Variants in RNF168 observed in about 807,000 individuals in gnomAD.
The protein encoded by RNF168 is E3 ubiquitin-protein ligase RNF168.
In RNF168, 34 loss-of-function variants were observed where a neutral mutation model predicts 34.9. The observed-to-expected ratio is 0.97, with a 90% CI of 0.74 to 1.30. RNF168 has a LOEUF of 1.30. RNF168 is among the 50% of genes most tolerant of loss of function. The pLI is 0.00. For missense variants in RNF168, 725 were observed against 682.5 expected (o/e 1.06, Z -0.69); for synonymous variants, 264 against 254.7 (o/e 1.04, Z -0.35).
intron 1 of RNF168, among the ~76,000 whole-genome samples, chr3:196,499,549 G>T (rs116056982): frequency 2.0e-5 from 3 of 152,282 alleles, no homozygotes; most frequent in African/African-American, 7.2e-5. Flanking sequence ...CAGCCCGGAC[G>T]CGGTGGCTCA....
At chr3:196,498,603 C>G (rs1160846297) in intron 1 of RNF168, among the ~76,000 whole-genome samples, 1 of 152,162 alleles carries the variant, frequency 6.6e-6, no homozygotes, top group Non-Finnish European at 1.5e-5. Flanking sequence ...ATATCCAAAA[C>G]TGCAAGCAAC....
chr3:196,500,500 T>C (rs531695501), intron 1 of RNF168, among the ~76,000 whole-genome samples: 137 of 151,914 alleles, frequency 9.0e-4, no homozygotes, highest in Non-Finnish European at 1.5e-3. Context: ...CAGGGGATAG[T>C]AGGAGGGAGG....
chr3:196,468,793 T>C lies in RNF168; in HGVS notation c.*3026A>G, dbSNP rs1331131580. The C allele has an allele frequency of 6.6e-6, 1 of 152,212 alleles. No individual in the cohort carries two copies. The highest frequency in any genetic ancestry group is 1.5e-5 in the Non-Finnish European group (1 of 68,038). 9.4% of individuals were successfully genotyped at this position (152,212 alleles called of 1,614,324 possible). On this transcript the variant is annotated 3_prime_UTR_variant, in exon 6 of 6. Coordinates refer to ENST00000318037, the MANE Select transcript of RNF168 (RefSeq NM_152617.4). ...ACACATAATAATCCATTTTTATTTT[T>C]AGTATTTTATTTTTCAGATTCTCAG...
At chr3:196,489,831 C>A (rs965721562) in intron 1 of RNF168, among the ~76,000 whole-genome samples, 1 of 152,118 alleles carries the variant, frequency 6.6e-6, no homozygotes, top group Admixed American at 6.6e-5. Flanking sequence ...AAACAGAACT[C>A]GAGATTTATA....
intron 4 of RNF168, among the ~76,000 whole-genome samples, chr3:196,482,610 T>C (rs555421885): frequency 6.6e-6 from 1 of 152,356 alleles, no homozygotes; most frequent in South Asian, 2.1e-4. Context: ...CAACACTTAT[T>C]ATTTTCCCTT....
intron 3 of RNF168, 78 bp downstream of exon 3, chr3:196,487,321 G>A (rs1732453924): frequency 2.5e-6 from 3 of 1,187,736 alleles, no homozygotes; most frequent in Non-Finnish European, 3.8e-6. Context: ...ACAAGGAGCT[G>A]ACTCTTCCCA....
Position 196,503,396 on chromosome 3 carries a change from T to C in RNF168, c.-223A>G, listed in dbSNP as rs1261597965. 2 of 578,382 alleles carry C rather than the reference T, an allele frequency of 3.5e-6. No individual in the cohort carries two copies. Among genetic ancestry groups the C allele is most frequent in the Admixed American group, 6.0e-5 (2 of 33,448 alleles). 35.8% of individuals were successfully genotyped at this position (578,382 alleles called of 1,614,324 possible). On this transcript the variant is annotated 5_prime_UTR_variant, in exon 1 of 6. Transcript: ENST00000318037. ...CCCGGAGGGCGGCGTCTTTGTCCAT[T>C]TTCAAGGCAAACGTCCCGCCAGCAA...
chr3:196,483,799 G>A lies in RNF168; in HGVS notation c.651C>T (p.Asn217=). 2 of 1,611,486 alleles carry A rather than the reference G, an allele frequency of 1.2e-6. No homozygotes were observed. Among genetic ancestry groups the A allele is most frequent in the Non-Finnish European group, 8.5e-7 (1 of 1,177,748 alleles). The stretch of plus-strand genomic sequence containing the variant: ...GAATATCTCCAGTGTTTCTTTGTTT[G>A]TTCTTACTTTTCTTTTCAGACTTGG... ...VTPKSEKKSK[N]KQRNTGDIQK... is the part of the protein sequence containing the mutation. Residue 217 remains asparagine (N), a synonymous_variant, in exon 4 of 6, where the codon AAC becomes AAT. Transcript: ENST00000318037.
rs181974994 is a variant in RNF168 at position 196,479,280 on chromosome 3, T to C, written c.681-3968A>G. ...CACCCGCCTCGGCCTCCCAAAGTGC[T>C]GGGATTACAGGTGTGAGCCACCGTG... On this transcript the variant is annotated intron_variant, in intron 4 of 5. Transcript: ENST00000318037. Among the ~76,000 whole-genome samples the C allele has an allele frequency of 5.5e-3, 829 of 151,990 alleles. 2 individuals are homozygous for C. Among genetic ancestry groups the C allele is most frequent in the Non-Finnish European group, 7.3e-3 (499 of 67,954 alleles).
At chr3:196,502,832 C>G in intron 1 of RNF168, 41 bp downstream of exon 1, 1 of 1,563,920 alleles carries the variant, frequency 6.4e-7, no homozygotes, top group East Asian at 2.2e-5. Flanking sequence ...TTTTCAAAGA[C>G]TTGCGGCTTT....
At position 196,472,349 on chromosome 3, in the gene RNF168, C is replaced by T; in HGVS notation, c.1186G>A (p.Glu396Lys). The T allele has an allele frequency of 6.2e-7, 1 of 1,614,038 alleles. No homozygotes were observed. The highest frequency in any genetic ancestry group is 1.7e-5 in the Admixed American group (1 of 59,998). Residue 396 changes from glutamate (E) to lysine (K), a missense_variant, in exon 6 of 6, where the codon GAA (glutamate) becomes AAA (lysine). By Grantham distance (56) the Glu-to-Lys change is moderately conservative (BLOSUM62 1). Coordinates refer to ENST00000318037, the MANE Select transcript of RNF168 (RefSeq NM_152617.4). ...SKRKNQESSF[E>K]AVKDPCFSAK... is the part of the protein sequence containing the mutation. ...GAAAAGCATGGATCCTTGACTGCTTCAAAGGAAGATTCTTGGTTTTTTCTT... is the reference window on the plus strand; with the variant it reads ...GAAAAGCATGGATCCTTGACTGCTTTAAAGGAAGATTCTTGGTTTTTTCTT...
intron 4 of RNF168, among the ~76,000 whole-genome samples, chr3:196,482,016 T>C (rs372317821): frequency 1.4e-5 from 2 of 147,572 alleles, no homozygotes; most frequent in African/African-American, 5.1e-5. Flanking sequence ...TCCAAGCTGG[T>C]CCCAAACTCA....
intron 1 of RNF168, among the ~76,000 whole-genome samples, chr3:196,496,149 CATAAT>C (rs1732738500): frequency 6.6e-6 from 1 of 152,012 alleles, no homozygotes; most frequent in Admixed American, 6.5e-5. Flanking sequence ...TCTCAAAAGC[CATAAT>C]ATAATTAGGG....
intron 3 of RNF168, 66 bp downstream of exon 3, chr3:196,487,333 G>A (rs910973248): frequency 7.8e-7 from 1 of 1,289,182 alleles, no homozygotes; most frequent in South Asian, 1.2e-5. Flanking sequence ...CTCTTCCCAT[G>A]AGCGGGTTCT....
intron 1 of RNF168, among the ~76,000 whole-genome samples, chr3:196,489,512 A>C (rs1471406731): frequency 6.6e-6 from 1 of 152,002 alleles, no homozygotes; most frequent in East Asian, 1.9e-4. Flanking sequence ...TTTTTAATAC[A>C]GACCGGTTTT....
At chr3:196,494,932 A>C (rs1366548318) in intron 1 of RNF168, among the ~76,000 whole-genome samples, 1 of 152,212 alleles carries the variant, frequency 6.6e-6, no homozygotes, top group East Asian at 1.9e-4. Flanking sequence ...TTGAGGTGGG[A>C]GGATTGCTTG....
In RNF168 at chr3:196,503,637, C is replaced by CG. The variant is rs893410431; in HGVS notation, c.-465dup. The CG allele has an allele frequency of 3.6e-4, 79 of 218,268 alleles. No homozygotes were observed. The highest frequency in any genetic ancestry group is 3.2e-4 in the Admixed American group (6 of 18,908). The allele number at this position is 218,268 out of a possible 1,614,324, so 13.5% of individuals were successfully genotyped here. On this transcript the variant is annotated 5_prime_UTR_variant, in exon 1 of 6. Transcript: ENST00000318037. Reference sequence around the variant, plus strand: ...CATAACTTCCGCTTTACCGCTGCTGCGGGGGAGACGCGCGACTCCCGTGTT... The same window carrying CG: ...CATAACTTCCGCTTTACCGCTGCTGCGGGGGGAGACGCGCGACTCCCGTGTT...
chr3:196,482,438 C>T (rs1732317792), intron 4 of RNF168, among the ~76,000 whole-genome samples: 1 of 152,122 alleles, frequency 6.6e-6, no homozygotes, highest in Admixed American at 6.5e-5. Context: ...TGAATACCTG[C>T]TTTCAATTCT....
intron 4 of RNF168, among the ~76,000 whole-genome samples, chr3:196,477,764 G>C (rs1010260586): frequency 2.0e-5 from 3 of 152,156 alleles, no homozygotes; most frequent in African/African-American, 7.2e-5. Context: ...TAATAACCAA[G>C]TAATATATGA....
Sources: gnomAD v4.1 joint callset for allele counts (sites outside exome capture counted in the v4.1 genomes callset) on GRCh38, gnomAD v4.1.1 for gene constraint, MANE v1.5 for transcripts, NCBI Gene and HGNC (gene_info 2026-07-23, HGNC 2026-07-21) for gene names.